The following RAB28 variants were observed in gnomAD, a reference collection of about 807,000 sequenced individuals.
The protein encoded by RAB28 is RAB28, member RAS oncogene family.
In RAB28, 24 loss-of-function variants were observed where a neutral mutation model predicts 31.7. That is an observed-to-expected ratio of 0.76 (90% CI 0.55 to 1.06). The LOEUF is 1.06. Ranked by LOEUF, RAB28 falls within the 50% of genes least tolerant of loss-of-function variation. The probability of loss-of-function intolerance (pLI) is 0.00; values close to 1 mark genes in which losing one functional copy is unlikely to be tolerated. For synonymous variants in RAB28, 100 were observed against 90.4 expected (o/e 1.11, Z -0.60); for missense variants, 254 against 258.5 (o/e 0.98, Z 0.12).
intron 4 of RAB28, among the ~76,000 whole-genome samples, chr4:13,406,486 G>A (rs1712096291): frequency 6.6e-6 from 1 of 152,150 alleles, no homozygotes; most frequent in Non-Finnish European, 1.5e-5. Flanking sequence ...CTTTATAGTA[G>A]AATGATTTAT....
chr4:13,409,828 T>G (rs1712321230), intron 4 of RAB28, among the ~76,000 whole-genome samples: 1 of 152,156 alleles, frequency 6.6e-6, no homozygotes, highest in South Asian at 2.1e-4. Flanking sequence ...CCAAATACAG[T>G]GCCACCACAG....
intron 6 of RAB28, among the ~76,000 whole-genome samples, chr4:13,373,948 T>C (rs574772528): frequency 2.8e-4 from 42 of 151,926 alleles, no homozygotes; most frequent in African/African-American, 9.7e-4. Flanking sequence ...TATATATGTA[T>C]GTATGTATGT....
At chr4:13,472,967 T>C (rs1393806520) in intron 3 of RAB28, among the ~76,000 whole-genome samples, 2 of 151,964 alleles carry the variant, frequency 1.3e-5, no homozygotes, top group African/African-American at 2.4e-5. Flanking sequence ...CAGAAAAATT[T>C]TGCAGGAGAC....
chr4:13,453,230 GTC>G (rs1318747585), intron 4 of RAB28, among the ~76,000 whole-genome samples: 5 of 152,030 alleles, frequency 3.3e-5, no homozygotes, highest in African/African-American at 9.7e-5. Flanking sequence ...TATTAAATAA[GTC>G]TATCTTTTAA....
At chr4:13,483,923 T>C (rs1402041746) in intron 1 of RAB28, among the ~76,000 whole-genome samples, 153 bp downstream of exon 1, 1 of 152,146 alleles carries the variant, frequency 6.6e-6, no homozygotes, top group Non-Finnish European at 1.5e-5. Flanking sequence ...AAGCGCCCAC[T>C]TCGTGTCCGG....
chr4:13,446,053 T>C (rs1382781260), intron 4 of RAB28, among the ~76,000 whole-genome samples: 2 of 152,190 alleles, frequency 1.3e-5, no homozygotes, highest in Non-Finnish European at 2.9e-5. Context: ...CTGGATTTCC[T>C]GCAGAGATGC....
At chr4:13,454,876 G>A (rs775123597) in intron 4 of RAB28, among the ~76,000 whole-genome samples, 6 of 152,224 alleles carry the variant, frequency 3.9e-5, no homozygotes, top group Non-Finnish European at 5.9e-5. Context: ...TGGCCTGGGT[G>A]TGTGTCTGCT....
At chr4:13,392,112 A>C (rs764422204) in intron 4 of RAB28, among the ~76,000 whole-genome samples, 1 of 152,100 alleles carries the variant, frequency 6.6e-6, no homozygotes, top group African/African-American at 2.4e-5. Context: ...TCTGAATCTA[A>C]AGTTGTCACT....
chr4:13,469,650 A>T (rs930112971), intron 3 of RAB28, among the ~76,000 whole-genome samples: 1 of 152,026 alleles, frequency 6.6e-6, no homozygotes, highest in Non-Finnish European at 1.5e-5. Context: ...AATAAGCATG[A>T]TGAGTGAGTA....
chr4:13,449,733 A>T (rs986881127), intron 4 of RAB28, among the ~76,000 whole-genome samples: 10 of 151,918 alleles, frequency 6.6e-5, no homozygotes, highest in African/African-American at 2.4e-4. Context: ...AACATCTTTA[A>T]GAGTAGAAAT....
At chr4:13,449,888 A>G (rs1185544899) in intron 4 of RAB28, among the ~76,000 whole-genome samples, 1 of 151,862 alleles carries the variant, frequency 6.6e-6, no homozygotes, top group Non-Finnish European at 1.5e-5. Flanking sequence ...TCTGTTTATA[A>G]TCTATCCAAC....
chr4:13,391,107 A>T (rs986868304), intron 4 of RAB28, among the ~76,000 whole-genome samples: 1 of 152,202 alleles, frequency 6.6e-6, no homozygotes, highest in Admixed American at 6.5e-5. Flanking sequence ...CTACCATCAG[A>T]GTGAACAGGC....
intron 4 of RAB28, among the ~76,000 whole-genome samples, chr4:13,389,682 C>T (rs544800286): frequency 1.3e-5 from 2 of 152,272 alleles, no homozygotes; most frequent in South Asian, 4.1e-4. Flanking sequence ...ACATATATCA[C>T]TACATGCATA....
intron 4 of RAB28, among the ~76,000 whole-genome samples, chr4:13,435,718 G>A (rs1160283918): frequency 6.6e-6 from 1 of 152,020 alleles, no homozygotes; most frequent in Non-Finnish European, 1.5e-5. Context: ...TTACAAAATT[G>A]AATCAGCAAT....
intron 5 of RAB28, among the ~76,000 whole-genome samples, chr4:13,378,206 C>T (rs994286671): frequency 6.6e-6 from 1 of 152,114 alleles, no homozygotes; most frequent in Non-Finnish European, 1.5e-5. Flanking sequence ...AGGGGACTGA[C>T]AGAGTAGTTA....
chr4:13,390,347 C>T (rs991193809), intron 4 of RAB28, among the ~76,000 whole-genome samples: 4 of 152,184 alleles, frequency 2.6e-5, no homozygotes, highest in Admixed American at 2.0e-4. Flanking sequence ...ATCCAATTTA[C>T]AAGGGATGTG....
intron 4 of RAB28, among the ~76,000 whole-genome samples, chr4:13,451,807 G>C (rs1201667643): frequency 6.6e-6 from 1 of 151,852 alleles, no homozygotes; most frequent in Non-Finnish European, 1.5e-5. Flanking sequence ...TTTCGCATAT[G>C]GATATCCAAT....
intron 4 of RAB28, 101 bp from the exon 5 acceptor site, chr4:13,381,695 C>T (rs1729136824): frequency 1.3e-6 from 1 of 789,550 alleles, no homozygotes; most frequent in Non-Finnish European, 2.0e-6. Context: ...TATATTCCAG[C>T]TTCGACATCA....
At position 13,479,533 on chromosome 4, in the gene RAB28, A is replaced by C. The variant is rs1258748525; in HGVS notation, c.76-7T>G. On this transcript the variant is annotated splice_region_variant and splice_polypyrimidine_tract_variant and intron_variant, in intron 1 of 6. Transcript: ENST00000330852. ...AACACGTAGTTAAGGAGGTCTAAAAAATTGATGCACAGAATGTCAAAATTA... is the reference window on the plus strand; with the variant it reads ...AACACGTAGTTAAGGAGGTCTAAAACATTGATGCACAGAATGTCAAAATTA... 1.3e-6 allele frequency: 2 copies of C among 1,542,282 alleles called. No individual in the cohort carries two copies. Among genetic ancestry groups the C allele is most frequent in the Admixed American group, 1.7e-5 (1 of 58,616 alleles).
Sources: gnomAD v4.1 joint callset for allele counts (sites outside exome capture counted in the v4.1 genomes callset) on GRCh38, gnomAD v4.1.1 for gene constraint, MANE v1.5 for transcripts, NCBI Gene and HGNC (gene_info 2026-07-23, HGNC 2026-07-21) for gene names.